CDKN2B-AS1: variants seen among roughly 807,000 people sequenced by gnomAD.
CDKN2B-AS1 encodes the protein CDKN2B and CDKN2A antisense cis and trans regulatory RNA 1.
chr9:22,084,557 AAG>A (rs1375033777), intron 4 of CDKN2B-AS1, among the ~76,000 whole-genome samples: 3 of 152,034 alleles, frequency 2.0e-5, no homozygotes, highest in African/African-American at 7.2e-5. Flanking sequence ...CTCTCAGAGA[AAG>A]GGGGTGGGCA....
intron 4 of CDKN2B-AS1, among the ~76,000 whole-genome samples, chr9:22,093,666 G>C (rs1434542877): frequency 1.4e-5 from 2 of 140,956 alleles, no homozygotes; most frequent in Non-Finnish European, 3.0e-5. Flanking sequence ...TTTTCCATTT[G>C]CTTGGTAGAT....
chr9:22,021,508 C>G (rs548937674), intron 1 of CDKN2B-AS1, among the ~76,000 whole-genome samples: 2 of 152,298 alleles, frequency 1.3e-5, no homozygotes, highest in East Asian at 3.9e-4. Context: ...CTATAAATTG[C>G]TTTGGCCAGT....
At chr9:22,027,415 G>C (rs1401007147) in intron 1 of CDKN2B-AS1, among the ~76,000 whole-genome samples, 1 of 152,062 alleles carries the variant, frequency 6.6e-6, no homozygotes, top group Non-Finnish European at 1.5e-5. Flanking sequence ...CAGGATAAAA[G>C]CACTCAGAAA....
At chr9:22,057,746 G>T (rs1398372341) in intron 4 of CDKN2B-AS1, among the ~76,000 whole-genome samples, 7 of 151,586 alleles carry the variant, frequency 4.6e-5, no homozygotes, top group African/African-American at 1.7e-4. Context: ...GGTGGAGGTT[G>T]CAGTGAGCTG....
intron 4 of CDKN2B-AS1, among the ~76,000 whole-genome samples, chr9:22,114,960 T>C (rs1825907865): frequency 2.6e-5 from 4 of 152,228 alleles, no homozygotes; most frequent in Admixed American, 6.5e-5. Flanking sequence ...TGATTTTCAG[T>C]TAACCAAATT....
intron 4 of CDKN2B-AS1, among the ~76,000 whole-genome samples, chr9:22,104,214 G>A (rs1249541883): frequency 6.6e-6 from 1 of 152,102 alleles, no homozygotes; most frequent in Non-Finnish European, 1.5e-5. Context: ...ATATCGTGGA[G>A]GCCATAAAGA....
intron 2 of CDKN2B-AS1, among the ~76,000 whole-genome samples, chr9:22,048,888 A>G (rs983809968): frequency 6.6e-6 from 1 of 152,210 alleles, no homozygotes; most frequent in African/African-American, 2.4e-5. Context: ...AATGGAAATC[A>G]TAACAGTTCT....
At position 21,995,459 on chromosome 9, in the gene CDKN2B-AS1, G is replaced by A; in HGVS notation, n.29+298G>A. 1 of 152,484 alleles carries A rather than the reference G, an allele frequency of 6.6e-6. No homozygotes were observed. Among genetic ancestry groups the A allele is most frequent in the Non-Finnish European group, 1.5e-5 (1 of 68,230 alleles). 9.4% of individuals were successfully genotyped at this position (152,484 alleles called of 1,614,324 possible). ...CTGCCGCCTCCACGCTCTGCCCCGCGCCCAGACACCCCGACTCCCCTTGAT... is the reference window on the plus strand; with the variant it reads ...CTGCCGCCTCCACGCTCTGCCCCGCACCCAGACACCCCGACTCCCCTTGAT... On this transcript the variant is annotated intron_variant and non_coding_transcript_variant, in intron 1 of 4. Coordinates refer to ENST00000650946, the Ensembl canonical transcript of CDKN2B-AS1. The surrounding 1 kb of genome is among the most constrained non-coding windows in gnomAD (Gnocchi z 5.7).
chr9:22,060,565 T>TCCAGTCCCTGCCTGTTAC (rs1367174007), intron 4 of CDKN2B-AS1, among the ~76,000 whole-genome samples: 1 of 152,212 alleles, frequency 6.6e-6, no homozygotes, highest in African/African-American at 2.4e-5. Context: ...TTCAAACTGT[T>TCCAGTCCCTGCCTGTTAC]CCAGTCCCTG....
In CDKN2B-AS1 at chr9:22,016,229, G is replaced by A. The variant is rs149895728; in HGVS notation, n.29+21068G>A. Among the ~76,000 whole-genome samples the A allele has an allele frequency of 2.6e-3, 399 of 152,180 alleles. 3 individuals carry two copies. The highest frequency in any genetic ancestry group is 9.2e-3 in the African/African-American group (382 of 41,502). On this transcript the variant is annotated intron_variant and non_coding_transcript_variant, in intron 1 of 4. Coordinates refer to ENST00000650946, the Ensembl canonical transcript of CDKN2B-AS1. ...TCTTCTAGGGTTTTTATGGTTTTAG[G>A]TCTAATACAAGGGACGTGAAGGACC... is the stretch of plus-strand genomic sequence containing the variant.
Position 22,005,988 on chromosome 9 carries a change from C to A in CDKN2B-AS1, n.29+10827C>A. On this transcript the variant is annotated intron_variant and non_coding_transcript_variant, in intron 1 of 4. Coordinates refer to ENST00000650946, the Ensembl canonical transcript of CDKN2B-AS1. This position sits in a 1 kb window ranked among gnomAD's most constrained non-coding sequence, Gnocchi z 4.9. ...TGTGGGCGGCTGGGGAACCTGGCGT[C>A]AGTCCCCCGTGGCTGTGCGCAGGTA... 1 of 1,601,866 alleles carries A rather than the reference C, an allele frequency of 6.2e-7. No homozygotes were observed. The highest frequency in any genetic ancestry group is 8.5e-7 in the Non-Finnish European group (1 of 1,179,802).
At chr9:22,061,564 A>G (rs1823820556) in intron 4 of CDKN2B-AS1, among the ~76,000 whole-genome samples, 4 of 152,218 alleles carry the variant, frequency 2.6e-5, no homozygotes, top group African/African-American at 9.7e-5. Flanking sequence ...TGTTAGATAC[A>G]AAATTCATCC....
At position 22,083,186 on chromosome 9, in the gene CDKN2B-AS1, C is replaced by T. The variant is rs190373425; in HGVS notation, n.438+26799C>T. 7.3e-4 allele frequency among the ~76,000 whole-genome samples: 111 copies of T among 152,278 alleles called. 1 individual carries two copies. Among genetic ancestry groups the T allele is most frequent in the African/African-American group, 2.6e-3 (107 of 41,558 alleles). On this transcript the variant is annotated intron_variant and non_coding_transcript_variant, in intron 4 of 4. Coordinates refer to ENST00000650946, the Ensembl canonical transcript of CDKN2B-AS1. ...CATTTTTCTCATGAGAAAATTGCAT[C>T]ATACAGAGATGAACTAACTTGCTCA...
At chr9:22,075,326 A>G (rs1300169747) in intron 4 of CDKN2B-AS1, among the ~76,000 whole-genome samples, 1 of 152,202 alleles carries the variant, frequency 6.6e-6, no homozygotes, top group African/African-American at 2.4e-5. Context: ...GAGGAATCAC[A>G]CCTGAGGAGA....
At chr9:22,019,115 T>C (rs547939790) in intron 1 of CDKN2B-AS1, among the ~76,000 whole-genome samples, 1 of 152,256 alleles carries the variant, frequency 6.6e-6, no homozygotes, top group African/African-American at 2.4e-5. Context: ...GACTGGAGCA[T>C]AGGGATGGAG....
At chr9:22,031,777 G>A (rs1822482632) in intron 1 of CDKN2B-AS1, among the ~76,000 whole-genome samples, 1 of 152,162 alleles carries the variant, frequency 6.6e-6, no homozygotes, top group South Asian at 2.1e-4. Context: ...CATACCAATA[G>A]AATATGGTAG....
At chr9:22,009,248 G>T in intron 1 of CDKN2B-AS1, 1 of 550,332 alleles carries the variant, frequency 1.8e-6, no homozygotes, top group Non-Finnish European at 3.3e-6. Flanking sequence ...AGCCGCTCTG[G>T]CCGCAGGGTG....
chr9:22,084,544 T>G (rs1824802964), intron 4 of CDKN2B-AS1, among the ~76,000 whole-genome samples: 1 of 152,148 alleles, frequency 6.6e-6, no homozygotes, highest in East Asian at 1.9e-4. Flanking sequence ...TACATTTTTT[T>G]TACTCTCAGA....
intron 4 of CDKN2B-AS1, among the ~76,000 whole-genome samples, chr9:22,099,908 G>C (rs72652463): frequency 3.9e-5 from 6 of 152,242 alleles, no homozygotes; most frequent in Admixed American, 1.3e-4. Context: ...GGCTTTTAGT[G>C]GGGGGCATTG....
Sources: allele counts gnomAD v4.1 joint callset (sites outside exome capture counted in the v4.1 genomes callset), GRCh38; gene constraint gnomAD v4.1.1; non-coding constraint Gnocchi (gnomAD v3.1); transcripts MANE v1.5; gene names NCBI Gene and HGNC (gene_info 2026-07-23, HGNC 2026-07-21).